The following RMP24 variants were observed in gnomAD, a reference collection of about 807,000 sequenced individuals.
RMP24 encodes ribonuclease MRP subunit p24.
At chr18:35,973,007 C>T in the RMP24 span, 1 of 1,485,342 alleles carries the variant, frequency 6.7e-7, no homozygotes, top group African/African-American at 1.4e-5. Context: ...CACTTCCCTC[C>T]ATAAAAACAA....
the RMP24 span, chr18:35,973,766 C>G: frequency 6.6e-6 from 1 of 152,142 alleles, no homozygotes; most frequent in Admixed American, 6.5e-5. Flanking sequence ...ACTAAAAATA[C>G]AAAAAAATTA....
At chr18:35,973,029 C>A in the RMP24 span, 2 of 1,296,372 alleles carry the variant, frequency 1.5e-6, no homozygotes, top group South Asian at 1.2e-5. Context: ...AACAACAAAG[C>A]CCGCATGTGT....
chr18:35,976,720 G>C, the RMP24 span, among the ~76,000 whole-genome samples: 10 of 152,308 alleles, frequency 6.6e-5, no homozygotes, highest in East Asian at 1.9e-3. Context: ...TTTTTGGGAA[G>C]AGGCTTGAAG....
chr18:35,974,590 T>C, the RMP24 span, among the ~76,000 whole-genome samples: 1 of 152,222 alleles, frequency 6.6e-6, no homozygotes, highest in African/African-American at 2.4e-5. Flanking sequence ...ATAACAGCCT[T>C]TTAAAACTTA....
chr18:35,977,978 C>T, the RMP24 span, among the ~76,000 whole-genome samples: 11 of 152,334 alleles, frequency 7.2e-5, no homozygotes, highest in African/African-American at 2.6e-4. Context: ...CCTAAAATGA[C>T]AGGTACATTC....
chr18:35,973,181 C>A, the RMP24 span: 26 of 572,572 alleles, frequency 4.5e-5, no homozygotes, highest in South Asian at 5.2e-4. Context: ...TTTATTACTT[C>A]TCGATTTGCT....
chr18:35,976,970 G>A, the RMP24 span, among the ~76,000 whole-genome samples: 1 of 152,186 alleles, frequency 6.6e-6, no homozygotes, highest in Non-Finnish European at 1.5e-5. Context: ...ACTCAAGCCT[G>A]TAATCCCAGC....
the RMP24 span, chr18:35,972,799 A>G: frequency 6.2e-7 from 1 of 1,613,868 alleles, no homozygotes; most frequent in Non-Finnish European, 8.5e-7. Context: ...CAAGCCCGCT[A>G]CCTCCTGTAA....
At chr18:35,976,138 A>ATTTTTTTT in the RMP24 span, among the ~76,000 whole-genome samples, 5 of 72,758 alleles carry the variant, frequency 6.9e-5, no homozygotes, top group Non-Finnish European at 1.3e-4. Context: ...TGTTTTTCTG[A>ATTTTTTTT]TTTTTTTTTT....
the RMP24 span, chr18:35,974,899 A>G: frequency 6.2e-6 from 10 of 1,611,464 alleles, no homozygotes; most frequent in Non-Finnish European, 8.5e-6. Context: ...ATTTTAGATG[A>G]TAAGAGCACT....
chr18:35,974,983 C>A, the RMP24 span: 1 of 1,614,088 alleles, frequency 6.2e-7, no homozygotes, highest in South Asian at 1.1e-5. Flanking sequence ...AAACCCAAAG[C>A]CAGGTTGACA....
chr18:35,972,781 G>C, the RMP24 span: 1 of 1,614,092 alleles, frequency 6.2e-7, no homozygotes, highest in African/African-American at 1.3e-5. Context: ...CACGACAGCT[G>C]CCCGGGCCAA....
the RMP24 span, chr18:35,972,726 G>A: frequency 1.2e-6 from 2 of 1,607,286 alleles, no homozygotes; most frequent in Non-Finnish European, 1.7e-6. Context: ...AGCGGCGGCG[G>A]CGATGAGACA....
chr18:35,975,223 A>G, the RMP24 span: 3 of 715,628 alleles, frequency 4.2e-6, no homozygotes, highest in Non-Finnish European at 6.7e-6. Flanking sequence ...ATCAAAATAT[A>G]TACATAAACA....
the RMP24 span, among the ~76,000 whole-genome samples, chr18:35,976,432 CACTT>C: frequency 6.6e-6 from 1 of 152,188 alleles, no homozygotes; most frequent in African/African-American, 2.4e-5. Context: ...AACTACTTCT[CACTT>C]AAACTAGTTT....
the RMP24 span, among the ~76,000 whole-genome samples, chr18:35,977,839 A>G: frequency 6.6e-6 from 1 of 152,142 alleles, no homozygotes; most frequent in South Asian, 2.1e-4. Context: ...TGCCTGCTAA[A>G]TATAACCACT....
chr18:35,972,680 T>C, the RMP24 span: 3 of 1,560,546 alleles, frequency 1.9e-6, no homozygotes, highest in Admixed American at 5.7e-5. Flanking sequence ...TCCGGCGCCC[T>C]ATTTTCTCAC....
the RMP24 span, chr18:35,972,691 C>T: frequency 7.0e-6 from 11 of 1,575,916 alleles, no homozygotes; most frequent in East Asian, 7.0e-5. Context: ...ATTTTCTCAC[C>T]TGGTTCCCGC....
chr18:35,977,624 G>C, the RMP24 span: 1 of 1,595,932 alleles, frequency 6.3e-7, no homozygotes. Context: ...TGAAGTTTTT[G>C]AATTGCCAGT....
Sources: allele counts gnomAD v4.1 joint callset (sites outside exome capture counted in the v4.1 genomes callset), GRCh38; gene constraint gnomAD v4.1.1; transcripts MANE v1.5; gene names NCBI Gene and HGNC (gene_info 2026-07-23, HGNC 2026-07-21).